MAMDC2: variants seen among roughly 807,000 people sequenced by gnomAD.
MAMDC2 encodes MAM domain containing 2, also known as MAM domain-containing protein 2.
Under a neutral mutation model 89.8 loss-of-function variants are expected in MAMDC2, and 57 were observed. The observed-to-expected ratio is 0.63, with a 90% confidence interval of 0.51 to 0.79. The LOEUF is 0.79. MAMDC2 is among the 30% of genes least tolerant of loss of function. The pLI is 0.00. For missense variants in MAMDC2, 800 were observed against 820.6 expected, an observed-to-expected ratio of 0.97 and a Z score of 0.31; for synonymous variants, 313 against 293.4, an observed-to-expected ratio of 1.07 and a Z score of -0.68.
At chr9:70,109,007 G>A (rs552404713) in intron 3 of MAMDC2, among the ~76,000 whole-genome samples, 1 of 152,330 alleles carries the variant, frequency 6.6e-6, no homozygotes, top group Non-Finnish European at 1.5e-5. Context: ...GCGAATGTAA[G>A]GTGAAGCTGG....
chr9:70,198,185 C>T (rs200604788), intron 11 of MAMDC2, among the ~76,000 whole-genome samples: 600 of 9,714 alleles, frequency 0.062, 5 homozygotes, highest in East Asian at 0.14. Flanking sequence ...TATATATACA[C>T]ACACACACAC....
chr9:70,148,580 G>T (rs2031477442), intron 9 of MAMDC2, among the ~76,000 whole-genome samples: 1 of 150,102 alleles, frequency 6.7e-6, no homozygotes, highest in African/African-American at 2.5e-5. Flanking sequence ...TTTGAGCAGG[G>T]GTTATTCACC....
intron 11 of MAMDC2, among the ~76,000 whole-genome samples, chr9:70,208,374 A>G (rs1348644271): frequency 1.3e-5 from 2 of 151,996 alleles, no homozygotes; most frequent in African/African-American, 4.8e-5. Context: ...ATTCCTAGGT[A>G]TTTTATTCTC....
intron 11 of MAMDC2, among the ~76,000 whole-genome samples, chr9:70,185,500 C>T (rs977546965): frequency 3.3e-5 from 5 of 152,188 alleles, no homozygotes; most frequent in African/African-American, 9.7e-5. Context: ...GCACCCACAG[C>T]TACCCCTTCC....
intron 5 of MAMDC2, among the ~76,000 whole-genome samples, chr9:70,123,445 T>C (rs1283601079): frequency 6.6e-6 from 1 of 152,156 alleles, no homozygotes; most frequent in Non-Finnish European, 1.5e-5. Context: ...CGATTCTTCC[T>C]TTAAAATTCC....
chr9:70,144,303 A>T (rs1017922453), intron 9 of MAMDC2, among the ~76,000 whole-genome samples: 4 of 152,224 alleles, frequency 2.6e-5, no homozygotes, highest in African/African-American at 9.6e-5. Context: ...GAGGAAGCTC[A>T]TTAAAAAATA....
chr9:70,159,105 G>A (rs977705029), intron 9 of MAMDC2, among the ~76,000 whole-genome samples: 1 of 151,570 alleles, frequency 6.6e-6, no homozygotes, highest in African/African-American at 2.4e-5. Context: ...GGAAAGGTGA[G>A]GATGCAAGGA....
intron 6 of MAMDC2, among the ~76,000 whole-genome samples, chr9:70,129,470 T>C (rs1336451092): frequency 3.3e-5 from 5 of 152,130 alleles, no homozygotes; most frequent in African/African-American, 1.2e-4. Flanking sequence ...TGAAACAGAC[T>C]AATACAGTGA....
intron 7 of MAMDC2, among the ~76,000 whole-genome samples, chr9:70,135,912 AG>A (rs2118384901): frequency 6.6e-6 from 1 of 152,250 alleles, no homozygotes; most frequent in East Asian, 1.9e-4. Context: ...GCACTTTGGG[AG>A]GCAAAGGAGG....
intron 11 of MAMDC2, among the ~76,000 whole-genome samples, chr9:70,209,196 G>A (rs2033297695): frequency 6.6e-6 from 1 of 152,196 alleles, no homozygotes; most frequent in African/African-American, 2.4e-5. Flanking sequence ...AATAGTTTCA[G>A]AAGGAATTGT....
intron 11 of MAMDC2, among the ~76,000 whole-genome samples, chr9:70,214,320 C>A (rs1257776662): frequency 1.3e-5 from 2 of 152,046 alleles, no homozygotes; most frequent in Admixed American, 6.5e-5. Context: ...AGAGTGAGAC[C>A]TGAGAATATC....
intron 2 of MAMDC2, among the ~76,000 whole-genome samples, chr9:70,051,775 C>T (rs1826902195): frequency 6.6e-6 from 1 of 152,116 alleles, no homozygotes; most frequent in African/African-American, 2.4e-5. Context: ...TTTTCTTATG[C>T]TTTTCTTAAC....
chr9:70,070,242 C>G (rs1827371268), intron 2 of MAMDC2, among the ~76,000 whole-genome samples: 1 of 152,094 alleles, frequency 6.6e-6, no homozygotes, highest in South Asian at 2.1e-4. Context: ...GAAGACTGGT[C>G]CTGGACCTTT....
At chr9:70,141,369 T>A (rs1465724395) in intron 8 of MAMDC2, among the ~76,000 whole-genome samples, 1 of 152,132 alleles carries the variant, frequency 6.6e-6, no homozygotes, top group Non-Finnish European at 1.5e-5. Context: ...TAATAAAACA[T>A]TCAAGCAGAT....
At chr9:70,064,269 C>A (rs1287446909) in intron 2 of MAMDC2, among the ~76,000 whole-genome samples, 1 of 151,994 alleles carries the variant, frequency 6.6e-6, no homozygotes, top group African/African-American at 2.4e-5. Context: ...CCCCATCACC[C>A]GAGCAGTGTA....
chr9:70,091,765 T>TAAA (rs1827907523), intron 2 of MAMDC2, among the ~76,000 whole-genome samples: 2 of 152,154 alleles, frequency 1.3e-5, no homozygotes, highest in Admixed American at 1.3e-4. Flanking sequence ...TTAAGTGCTC[T>TAAA]AAATTGGTCA....
chr9:70,140,048 C>G (rs1305839316), intron 7 of MAMDC2, 97 bp from the exon 8 acceptor site: 10 of 1,297,392 alleles, frequency 7.7e-6, no homozygotes, highest in Admixed American at 3.0e-5. Context: ...TCGGTCTCCC[C>G]TGGTACAAAT....
At chr9:70,220,885 A>G (rs1482039814) in intron 12 of MAMDC2, among the ~76,000 whole-genome samples, 3 of 152,194 alleles carry the variant, frequency 2.0e-5, no homozygotes, top group African/African-American at 4.8e-5. Context: ...AGAGTTAGAG[A>G]GTCAAAGGAG....
chr9:70,203,500 A>C (rs1210340575), intron 11 of MAMDC2, among the ~76,000 whole-genome samples: 1 of 138,674 alleles, frequency 7.2e-6, no homozygotes, highest in Admixed American at 7.7e-5. Flanking sequence ...TTTTTCCTCC[A>C]TTTCAACTTT....
Sources: gnomAD v4.1 joint callset for allele counts (sites outside exome capture counted in the v4.1 genomes callset) on GRCh38, gnomAD v4.1.1 for gene constraint, MANE v1.5 for transcripts, NCBI Gene and HGNC (gene_info 2026-07-23, HGNC 2026-07-21) for gene names.